Variants in UNC5C observed in about 807,000 individuals in gnomAD.
UNC5C encodes unc-5 netrin receptor C, also known as netrin receptor UNC5C.
UNC5C carries 47 observed loss-of-function variants against 99.8 expected under a neutral mutation model. That is an observed-to-expected ratio of 0.47 (90% CI 0.37 to 0.60). The LOEUF is 0.60. Among genes scored for constraint, UNC5C ranks in the 20% least tolerant of loss-of-function variants. The pLI is 0.00. For synonymous variants in UNC5C, 487 were observed against 452.2 expected, an observed-to-expected ratio of 1.08 and a Z score of -0.98; for missense variants, 1,062 against 1,165.9, an observed-to-expected ratio of 0.91 and a Z score of 1.30.
intron 12 of UNC5C, among the ~76,000 whole-genome samples, chr4:95,201,457 A>T (rs971533699): frequency 2.6e-5 from 4 of 152,076 alleles, no homozygotes; most frequent in Non-Finnish European, 5.9e-5. Flanking sequence ...ATGTATTTTC[A>T]ATCATGTCTT....
intron 1 of UNC5C, among the ~76,000 whole-genome samples, chr4:95,482,422 T>C (rs1721186966): frequency 6.6e-6 from 1 of 151,350 alleles, no homozygotes; most frequent in Non-Finnish European, 1.5e-5. Flanking sequence ...GACTGTAAAC[T>C]AGTTCAACCA....
At chr4:95,432,531 G>C (rs1432343591) in intron 1 of UNC5C, among the ~76,000 whole-genome samples, 2 of 151,992 alleles carry the variant, frequency 1.3e-5, no homozygotes, top group Admixed American at 1.3e-4. Flanking sequence ...AAGGCAATGA[G>C]CAAGTGACAA....
chr4:95,448,207 TGTGTGTGTGTGTGTGTGTGTGA>T (rs1747166288), intron 1 of UNC5C, among the ~76,000 whole-genome samples: 5 of 134,716 alleles, frequency 3.7e-5, no homozygotes, highest in African/African-American at 1.5e-4. Flanking sequence ...TCTCTGTGTG[TGTGTGTGTGTGTGTGTGTGTGA>T]GAGAGAGAGA....
At chr4:95,393,607 G>A (rs1001754066) in intron 1 of UNC5C, among the ~76,000 whole-genome samples, 1 of 152,128 alleles carries the variant, frequency 6.6e-6, no homozygotes, top group Non-Finnish European at 1.5e-5. Flanking sequence ...TTGTGTCTAA[G>A]TATTGACTGT....
At chr4:95,477,240 T>A (rs988082230) in intron 1 of UNC5C, among the ~76,000 whole-genome samples, 2 of 151,922 alleles carry the variant, frequency 1.3e-5, no homozygotes, top group Non-Finnish European at 2.9e-5. Flanking sequence ...TCCTTTTGTA[T>A]CATATATATA....
chr4:95,338,212 G>T (rs1444181277), intron 1 of UNC5C, among the ~76,000 whole-genome samples: 1 of 151,966 alleles, frequency 6.6e-6, no homozygotes, highest in Non-Finnish European at 1.5e-5. Context: ...CCACCATCAA[G>T]TTAACATACT....
At chr4:95,169,626 C>G (rs1736006693) in intron 15 of UNC5C, among the ~76,000 whole-genome samples, 1 of 152,122 alleles carries the variant, frequency 6.6e-6, no homozygotes, top group African/African-American at 2.4e-5. Context: ...ATTTAAGAGA[C>G]AAGATGTCTA....
intron 1 of UNC5C, among the ~76,000 whole-genome samples, chr4:95,398,645 T>C (rs1745596171): frequency 6.6e-6 from 1 of 152,176 alleles, no homozygotes; most frequent in African/African-American, 2.4e-5. Flanking sequence ...CTGTTTCTTG[T>C]TTCTGTTGCA....
At chr4:95,367,815 T>C (rs1339810572) in intron 1 of UNC5C, among the ~76,000 whole-genome samples, 2 of 152,216 alleles carry the variant, frequency 1.3e-5, no homozygotes. Context: ...CCTACCATAC[T>C]TAGCCCATTG....
chr4:95,385,945 C>T (rs1172743077), intron 1 of UNC5C, among the ~76,000 whole-genome samples: 1 of 152,072 alleles, frequency 6.6e-6, no homozygotes, highest in Admixed American at 6.5e-5. Flanking sequence ...CTGTTTTATA[C>T]GAAGTTAAAA....
intron 14 of UNC5C, among the ~76,000 whole-genome samples, chr4:95,177,645 G>C (rs1736422927): frequency 6.6e-6 from 1 of 152,140 alleles, no homozygotes; most frequent in South Asian, 2.1e-4. Flanking sequence ...CAGTGCTGTT[G>C]GCTGTGATCA....
intron 1 of UNC5C, among the ~76,000 whole-genome samples, chr4:95,338,288 C>T (rs755385646): frequency 6.6e-6 from 1 of 152,050 alleles, no homozygotes; most frequent in Non-Finnish European, 1.5e-5. Context: ...TTCTCAGATA[C>T]AGTGTTATTT....
intron 7 of UNC5C, among the ~76,000 whole-genome samples, chr4:95,237,859 T>C (rs1367051349): frequency 2.0e-5 from 3 of 152,068 alleles, no homozygotes; most frequent in Admixed American, 6.6e-5. Context: ...CTGGCCAACA[T>C]GGTAAAACCC....
At position 95,471,837 on chromosome 4, in the gene UNC5C, T is replaced by G. The variant is rs536006009; in HGVS notation, c.124+76897A>C. 2.6e-5 allele frequency among the ~76,000 whole-genome samples: 4 copies of G among 152,234 alleles called. 1 individual carries two copies. In the South Asian group the frequency reaches 8.3e-4, roughly 32 times the overall value. On this transcript the variant is annotated intron_variant, in intron 1 of 15. Transcript: ENST00000453304. ...GCCTGTATGCATTTTGTCTTTTTTT[T>G]TTTAAGTCTGATTTCTTTTCTCTTT...
At chr4:95,302,677 C>T (rs1431015199) in intron 2 of UNC5C, among the ~76,000 whole-genome samples, 2 of 152,124 alleles carry the variant, frequency 1.3e-5, no homozygotes, top group African/African-American at 4.8e-5. Flanking sequence ...GGAGAATTTG[C>T]TTTGGGTCAA....
At chr4:95,212,739 G>T (rs959387197) in intron 10 of UNC5C, among the ~76,000 whole-genome samples, 30 of 152,304 alleles carry the variant, frequency 2.0e-4, no homozygotes, top group Admixed American at 7.2e-4. Context: ...AGCCACTGCT[G>T]CTTCTCACCT....
Position 95,182,925 on chromosome 4 carries a change from A to T in UNC5C, c.2423T>A (p.Ile808Asn). The T allele has an allele frequency of 6.2e-7, 1 of 1,613,834 alleles. No homozygotes were observed. Among genetic ancestry groups the T allele is most frequent in the Non-Finnish European group, 8.5e-7 (1 of 1,179,786 alleles). Reference protein sequence around the residue: ...CVRQVEGEGQIFQLNCTVSEE... With the variant: ...CVRQVEGEGQNFQLNCTVSEE... ...TGACACGGTGCAGTTGAGCTGGAAG[A>T]TCTGCCCTTCTCCTTCCACCTGCCG... Residue 808 changes from isoleucine (I) to asparagine (N), a missense_variant, in exon 14 of 16, where the codon ATC becomes AAC. By Grantham distance (149) the Ile-to-Asn change is moderately radical (BLOSUM62 -3). This residue lies in a region of UNC5C where 810 missense variants were observed against 854.5 expected (regional missense o/e 0.95). Coordinates refer to ENST00000453304, the MANE Select transcript of UNC5C (RefSeq NM_003728.4).
At chr4:95,464,225 GTTTTAC>G (rs1747701055) in intron 1 of UNC5C, among the ~76,000 whole-genome samples, 1 of 152,116 alleles carries the variant, frequency 6.6e-6, no homozygotes, top group African/African-American at 2.4e-5. Context: ...GCTCTGTATT[GTTTTAC>G]TTTTAAAGGA....
rs144743059 is a variant in UNC5C, at chr4:95,201,794, C to T, written c.2136+937G>A. 6.2e-3 allele frequency among the ~76,000 whole-genome samples: 941 copies of T among 152,108 alleles called. 7 individuals are homozygous for T. Among genetic ancestry groups the T allele is most frequent in the South Asian group, 0.03 (144 of 4,810 alleles). ...AATTTTTTTGTATTTTTAGTAGAGA[C>T]GGGGTTTCACCGTGTTAGCCAGGAT... is the stretch of plus-strand genomic sequence containing the variant. On this transcript the variant is annotated intron_variant, in intron 12 of 15. Coordinates refer to ENST00000453304, the MANE Select transcript of UNC5C (RefSeq NM_003728.4).
Sources: gnomAD v4.1 joint callset for allele counts (sites outside exome capture counted in the v4.1 genomes callset) on GRCh38, gnomAD v4.1.1 for gene constraint, gnomAD v4.1.1 regional missense constraint, MANE v1.5 for transcripts, NCBI Gene and HGNC (gene_info 2026-07-23, HGNC 2026-07-21) for gene names.